TDRD1: variants seen among roughly 807,000 people sequenced by gnomAD.
The protein encoded by TDRD1 is tudor domain-containing protein 1.
In TDRD1, 37 loss-of-function variants were observed where a neutral mutation model predicts 140.6. The ratio of observed to expected loss-of-function variants is 0.26; its 90% CI spans 0.20 to 0.35. The LOEUF (loss-of-function observed/expected upper bound fraction) is 0.35, where lower values mean the gene tolerates loss of function less well. Ranked by LOEUF, TDRD1 falls within the 10% of genes least tolerant of loss-of-function variation. The pLI, the probability that TDRD1 is intolerant of heterozygous loss-of-function variation, is 1.00. For synonymous variants in TDRD1, 506 were observed against 475.7 expected (o/e 1.06, Z -0.83); for missense variants, 1,243 against 1,393.0 (o/e 0.89, Z 1.71).
chr10:114,208,332 G>A (rs932930836), intron 11 of TDRD1, among the ~76,000 whole-genome samples: 1 of 152,154 alleles, frequency 6.6e-6, no homozygotes, highest in Non-Finnish European at 1.5e-5. Context: ...TGGTGGGTAT[G>A]GAAGAATCAG....
intron 3 of TDRD1, among the ~76,000 whole-genome samples, chr10:114,195,331 C>T (rs963779759): frequency 5.9e-5 from 9 of 152,100 alleles, no homozygotes; most frequent in Admixed American, 4.6e-4. Context: ...GGTCAGACGA[C>T]CTATAAATAC....
intron 3 of TDRD1, among the ~76,000 whole-genome samples, 191 bp from the exon 4 acceptor site, chr10:114,198,982 C>T (rs2034553792): frequency 6.6e-6 from 1 of 152,188 alleles, no homozygotes; most frequent in African/African-American, 2.4e-5. Flanking sequence ...CCAGTCAGCC[C>T]ACCTCCTCCT....
intron 2 of TDRD1, among the ~76,000 whole-genome samples, chr10:114,189,814 C>G (rs1362699039): frequency 6.6e-6 from 1 of 152,208 alleles, no homozygotes; most frequent in Non-Finnish European, 1.5e-5. Flanking sequence ...GGAAATGCTG[C>G]ATATAACTCA....
At chr10:114,204,328 A>G (rs1475481268) in intron 9 of TDRD1, 112 bp downstream of exon 9, 2 of 1,186,536 alleles carry the variant, frequency 1.7e-6, no homozygotes, top group Non-Finnish European at 2.3e-6. Flanking sequence ...CTGTACCTGT[A>G]CTATGTAAAT....
intron 1 of TDRD1, chr10:114,180,133 A>T (rs1186654240): frequency 6.6e-6 from 1 of 152,212 alleles, no homozygotes; most frequent in Non-Finnish European, 1.5e-5. Flanking sequence ...TTTTCATCTT[A>T]AGCCTGCAAG....
rs771679230 is a variant in TDRD1 at position 114,221,508 on chromosome 10, C to T, written c.2890+32C>T. 5.6e-6 allele frequency: 9 copies of T among 1,601,944 alleles called. No individual in the cohort carries two copies. The Admixed American group carries it at 1.5e-4, about 27-fold the overall frequency. On this transcript the variant is annotated intron_variant, in intron 20 of 25. Coordinates refer to ENST00000251864, the Ensembl canonical transcript of TDRD1. ...AACCAAAATTTGAGACATATTTATG[C>T]TCATCTTTTAAACTGTAAAACGAAA...
intron 25 of TDRD1, chr10:114,228,531 G>T: frequency 1.0e-6 from 1 of 992,098 alleles, no homozygotes; most frequent in Non-Finnish European, 1.2e-6. Flanking sequence ...CACTTTTTGC[G>T]AGGGGTATCT....
At chr10:114,209,930 C>G (rs2035374233) in intron 11 of TDRD1, among the ~76,000 whole-genome samples, 1 of 152,186 alleles carries the variant, frequency 6.6e-6, no homozygotes. Context: ...CATAATGTCT[C>G]TAAGTCTTGA....
At chr10:114,219,425 G>T (rs1393704888) in intron 18 of TDRD1, among the ~76,000 whole-genome samples, 1 of 152,148 alleles carries the variant, frequency 6.6e-6, no homozygotes, top group Admixed American at 6.5e-5. Context: ...AAGAGAATGT[G>T]TGTATATGTG....
chr10:114,204,947 G>C, intron 10 of TDRD1, 54 bp downstream of exon 10: 1 of 1,452,010 alleles, frequency 6.9e-7, no homozygotes, highest in South Asian at 1.5e-5. Flanking sequence ...GTTTCCACCT[G>C]TTACTCAGAA....
chr10:114,230,044 G>A (rs1422705511), intron 25 of TDRD1, among the ~76,000 whole-genome samples: 1 of 152,018 alleles, frequency 6.6e-6, no homozygotes, highest in African/African-American at 2.4e-5. Flanking sequence ...TGTTAGCCAG[G>A]ATGGTCTCGA....
chr10:114,218,691 C>A, intron 18 of TDRD1, 107 bp downstream of exon 18: 2 of 807,806 alleles, frequency 2.5e-6, no homozygotes, highest in Non-Finnish European at 3.7e-6. Flanking sequence ...GAGGATCCTG[C>A]TTCATATTAT....
rs1268283987 is a variant in TDRD1, at chr10:114,203,511, A to G, written c.925A>G (p.Lys309Glu). Residue 309 changes from lysine (K) to glutamate (E), a missense_variant, in exon 8 of 26, where the codon AAA (lysine) becomes GAA (glutamate). Physicochemically the swap from Lys to Glu is moderately conservative, Grantham distance 56. Coordinates refer to ENST00000251864, the Ensembl canonical transcript of TDRD1. Reference sequence around the variant, plus strand: ...AGAAACATATGCAAATGTGCATGAAAAAGACTATATTCCTGTTAAGGGGGA... The same window carrying G: ...AGAAACATATGCAAATGTGCATGAAGAAGACTATATTCCTGTTAAGGGGGA... 7.4e-6 allele frequency: 12 copies of G among 1,613,692 alleles called. No individual in the cohort carries two copies. The highest frequency in any genetic ancestry group is 2.7e-5 in the African/African-American group (2 of 74,904).
chr10:114,210,675 T>C, exon 12 of TDRD1: 1 of 1,612,980 alleles, frequency 6.2e-7, no homozygotes, highest in Non-Finnish European at 8.5e-7. Context: ...TGAATGTAGG[T>C]GATGAGTTTT....
At chr10:114,220,962 TTAG>T (rs2036107362) in intron 19 of TDRD1, 119 bp downstream of exon 19, 3 of 645,158 alleles carry the variant, frequency 4.7e-6, no homozygotes, top group Non-Finnish European at 8.0e-6. Context: ...CGGACATAGA[TTAG>T]TAGGTTAATA....
chr10:114,188,889 A>T (rs925451433), intron 2 of TDRD1, among the ~76,000 whole-genome samples: 83 of 152,110 alleles, frequency 5.5e-4, no homozygotes, highest in Middle Eastern at 3.4e-3. Context: ...AAAAAAAAAA[A>T]AAAAAACCTT....
intron 3 of TDRD1, among the ~76,000 whole-genome samples, chr10:114,191,460 T>C (rs1396090989): frequency 1.3e-5 from 2 of 152,204 alleles, no homozygotes; most frequent in East Asian, 3.8e-4. Context: ...GAGAATATTA[T>C]ATAAAAGGCT....
At chr10:114,190,735 G>T (rs1418196660) in intron 2 of TDRD1, among the ~76,000 whole-genome samples, 1 of 152,166 alleles carries the variant, frequency 6.6e-6, no homozygotes, top group Non-Finnish European at 1.5e-5. Flanking sequence ...TGATCCACCT[G>T]CCTTGGCCTC....
In TDRD1 at chr10:114,199,329, G is replaced by A; in HGVS notation, c.529+12G>A. The A allele has an allele frequency of 6.4e-7, 1 of 1,572,198 alleles. No homozygotes were observed. Among genetic ancestry groups the A allele is most frequent in the Admixed American group, 2.1e-5 (1 of 47,370 alleles). On this transcript the variant is annotated intron_variant, in intron 4 of 25. Transcript: ENST00000251864. The stretch of plus-strand genomic sequence containing the variant: ...CTGTGGCCTATTTGGTAAGCATATT[G>A]TTCTTGGGTGTCTGAATTCTTCTTC...
Sources: gnomAD v4.1 joint callset for allele counts (sites outside exome capture counted in the v4.1 genomes callset) on GRCh38, gnomAD v4.1.1 for gene constraint, MANE v1.5 for transcripts, NCBI Gene and HGNC (gene_info 2026-07-23, HGNC 2026-07-21) for gene names.